Variants in CHRM3 observed in about 807,000 individuals in gnomAD.
The protein encoded by CHRM3 is cholinergic receptor muscarinic 3.
CHRM3 carries 11 observed loss-of-function variants against 41.8 expected under a neutral mutation model. The observed-to-expected ratio is 0.26, with a 90% CI of 0.17 to 0.44. The LOEUF (loss-of-function observed/expected upper bound fraction) is 0.44, where lower values mean the gene tolerates loss of function less well. CHRM3 is among the 20% of genes least tolerant of loss of function. CHRM3 has a pLI of 1.00. For synonymous variants in CHRM3, 297 were observed against 301.4 expected (o/e 0.99, Z 0.15); for missense variants, 571 against 745.4 (o/e 0.77, Z 2.72).
intron 2 of CHRM3, among the ~76,000 whole-genome samples, chr1:239,498,566 G>T (rs1315086536): frequency 6.6e-6 from 1 of 152,068 alleles, no homozygotes; most frequent in Non-Finnish European, 1.5e-5. Context: ...AAGCAAAATA[G>T]GGAAACATAA....
chr1:239,775,802 G>A (rs1312376684), intron 5 of CHRM3, among the ~76,000 whole-genome samples: 1 of 152,194 alleles, frequency 6.6e-6, no homozygotes, highest in African/African-American at 2.4e-5. Context: ...TGAAGAGAAG[G>A]AGCTGAAGGC....
chr1:239,620,692 CAA>C (rs1458558048), intron 3 of CHRM3, among the ~76,000 whole-genome samples: 56 of 151,926 alleles, frequency 3.7e-4, no homozygotes, highest in African/African-American at 1.2e-3. Flanking sequence ...TATACACACA[CAA>C]AAGGATTACT....
chr1:239,480,579 C>T (rs532569393), intron 1 of CHRM3, among the ~76,000 whole-genome samples: 9 of 106,452 alleles, frequency 8.5e-5, no homozygotes, highest in East Asian at 5.7e-4. Flanking sequence ...TTTGTTGAGA[C>T]GGAGTCTAGC....
chr1:239,843,968 A>G (rs1418594096), intron 6 of CHRM3, among the ~76,000 whole-genome samples: 1 of 152,178 alleles, frequency 6.6e-6, no homozygotes, highest in East Asian at 1.9e-4. Flanking sequence ...ATATGCATAC[A>G]CACACGTTAT....
At chr1:239,866,041 C>T (rs192181234) in intron 6 of CHRM3, among the ~76,000 whole-genome samples, 18 of 152,132 alleles carry the variant, frequency 1.2e-4, no homozygotes, top group African/African-American at 3.6e-4. Flanking sequence ...TTACTATTGT[C>T]CCTATTTTAC....
intron 5 of CHRM3, among the ~76,000 whole-genome samples, chr1:239,729,095 CT>C (rs1663717791): frequency 6.6e-6 from 1 of 151,918 alleles, no homozygotes; most frequent in African/African-American, 2.4e-5. Flanking sequence ...GTAAGTAAAA[CT>C]GCTGGTCCTT....
chr1:239,881,275 T>C (rs1359636732), intron 6 of CHRM3, among the ~76,000 whole-genome samples: 2 of 35,598 alleles, frequency 5.6e-5, no homozygotes, highest in South Asian at 1.4e-3. Flanking sequence ...AGAGTGAGAC[T>C]CCGTCTCAAA....
chr1:239,819,379 C>G (rs1371014383), intron 5 of CHRM3, among the ~76,000 whole-genome samples: 1 of 152,128 alleles, frequency 6.6e-6, no homozygotes, highest in South Asian at 2.1e-4. Context: ...CTGTTTCTTC[C>G]GATCAGCTAT....
chr1:239,750,390 T>C (rs1195095873), intron 5 of CHRM3, among the ~76,000 whole-genome samples: 2 of 152,240 alleles, frequency 1.3e-5, no homozygotes, highest in Non-Finnish European at 2.9e-5. Flanking sequence ...TAATCAAATG[T>C]AGTTTTGCAA....
chr1:239,773,554 C>T (rs953762201), intron 5 of CHRM3, among the ~76,000 whole-genome samples: 2 of 152,178 alleles, frequency 1.3e-5, no homozygotes, highest in Non-Finnish European at 2.9e-5. Context: ...GTGTCTACTG[C>T]ACTACCAGAA....
At position 239,913,708 on chromosome 1, in the gene CHRM3, A is replaced by G. The variant is rs1003967239; in HGVS notation, c.*4484A>G. ...CATGATAAGAAAATAAAAATGAGAA[A>G]AGAAGATCTAGTTCATAAAATGACT... On this transcript the variant is annotated 3_prime_UTR_variant, in exon 7 of 7. Coordinates refer to ENST00000676153, the MANE Select transcript of CHRM3 (RefSeq NM_001375978.1). 3 of 167,002 alleles carry G rather than the reference A, an allele frequency of 1.8e-5. No individual in the cohort carries two copies. Among genetic ancestry groups the G allele is most frequent in the Non-Finnish European group, 4.4e-5 (3 of 68,126 alleles). 10.3% of individuals were successfully genotyped at this position (167,002 alleles called of 1,614,324 possible). A position where few individuals can be genotyped will look rare whatever the true frequency, so the allele number is the denominator to read the frequency against.
chr1:239,487,725 CA>C (rs1667269986), intron 1 of CHRM3, among the ~76,000 whole-genome samples: 1 of 151,646 alleles, frequency 6.6e-6, no homozygotes, highest in Admixed American at 6.6e-5. Context: ...AAGATAGTAT[CA>C]TTTTTTTCAA....
At chr1:239,419,945 CT>C (rs1661814792) in intron 1 of CHRM3, among the ~76,000 whole-genome samples, 1 of 152,204 alleles carries the variant, frequency 6.6e-6, no homozygotes, top group Non-Finnish European at 1.5e-5. Context: ...TTCCCTGCCC[CT>C]GTCTGAAAAT....
At chr1:239,554,942 C>T (rs989604068) in intron 3 of CHRM3, among the ~76,000 whole-genome samples, 2 of 152,042 alleles carry the variant, frequency 1.3e-5, no homozygotes, top group Non-Finnish European at 2.9e-5. Flanking sequence ...ATTGGCCAGG[C>T]TGGTCTCAAA....
chr1:239,713,822 G>T (rs778090808), intron 5 of CHRM3, among the ~76,000 whole-genome samples: 5 of 152,168 alleles, frequency 3.3e-5, no homozygotes, highest in Non-Finnish European at 7.3e-5. Flanking sequence ...GATAAATTGT[G>T]TGATCACCTT....
At chr1:239,668,247 A>G (rs1031584544) in intron 4 of CHRM3, among the ~76,000 whole-genome samples, 6 of 151,232 alleles carry the variant, frequency 4.0e-5, no homozygotes, top group Non-Finnish European at 7.4e-5. Context: ...TACAGGCTTG[A>G]ACTACCACCT....
rs5782088 is a variant in CHRM3 at position 239,652,641 on chromosome 1, G to GAA, written c.-250+20364_-250+20365dup. 6.3e-3 allele frequency among the ~76,000 whole-genome samples: 947 copies of GAA among 149,286 alleles called. 7 individuals are homozygous for GAA. The highest frequency in any genetic ancestry group is 0.014 in the Middle Eastern group (4 of 282). ...CTCAACCATATGCTCACTATGACAG[G>GAA]AAAAAAAAAAGATTTAACTGCAGGC... On this transcript the variant is annotated intron_variant, in intron 4 of 6. Coordinates refer to ENST00000676153, the MANE Select transcript of CHRM3 (RefSeq NM_001375978.1).
intron 6 of CHRM3, among the ~76,000 whole-genome samples, chr1:239,901,137 G>A (rs879295844): frequency 3.3e-5 from 5 of 152,168 alleles, no homozygotes; most frequent in Non-Finnish European, 7.3e-5. Context: ...CCAGACAGGA[G>A]GGCATGAGGC....
chr1:239,631,829 C>T (rs568391968), intron 3 of CHRM3, among the ~76,000 whole-genome samples: 1 of 152,260 alleles, frequency 6.6e-6, no homozygotes, highest in South Asian at 2.1e-4. Context: ...GAACATAGAC[C>T]ATACTAGCCA....
Sources: allele counts gnomAD v4.1 joint callset (sites outside exome capture counted in the v4.1 genomes callset), GRCh38; gene constraint gnomAD v4.1.1; transcripts MANE v1.5; gene names NCBI Gene and HGNC (gene_info 2026-07-23, HGNC 2026-07-21).